Variants in NLRP8 observed in about 807,000 individuals in gnomAD.
NLRP8 encodes the protein NLR family pyrin domain containing 8, also known as NACHT, LRR and PYD domains-containing protein 8.
NLRP8 carries 86 observed loss-of-function variants against 88.7 expected under a neutral mutation model. That is an observed-to-expected ratio of 0.97 (90% confidence interval 0.81 to 1.16). The LOEUF (loss-of-function observed/expected upper bound fraction) is 1.16. Ranked by LOEUF, NLRP8 falls within the 50% of genes most tolerant of loss-of-function variation. NLRP8 has a pLI of 0.00. For missense variants in NLRP8, 1,342 were observed against 1,286.5 expected (o/e 1.04, Z -0.66); for synonymous variants, 504 against 494.6 (o/e 1.02, Z -0.25).
chr19:55,976,236 A>T lies in NLRP8; in HGVS notation c.2809A>T (p.Lys937Ter), dbSNP rs1312649136. Residue 937 changes from lysine (K) to a stop codon, truncating the protein, a stop_gained, in exon 8 of 10, where the codon AAG (lysine) becomes TAG (stop). Coordinates refer to ENST00000291971, the MANE Select transcript of NLRP8 (RefSeq NM_176811.2). LOFTEE classifies it high-confidence loss of function. ...TCTTGACCTAAGTTTTAATAGCCTG[A>T]AGGATGATGGGGTGATCCTGCTGTG... 2.5e-6 allele frequency: 4 copies of T among 1,613,730 alleles called. No homozygotes were observed. Among genetic ancestry groups the T allele is most frequent in the Non-Finnish European group, 3.4e-6 (4 of 1,179,962 alleles).
At position 55,981,047 on chromosome 19, in the gene NLRP8, T is replaced by A. The variant is rs1257797278; in HGVS notation, c.3047+1483T>A. 1.3e-5 allele frequency among the ~76,000 whole-genome samples: 2 copies of A among 152,164 alleles called. No individual in the cohort carries two copies. Among genetic ancestry groups the A allele is most frequent in the African/African-American group, 4.8e-5 (2 of 41,418 alleles). ...ATGTAAGAAAACAAAACCTTGTTTT[T>A]ATCCTTCCCAGGGAGAAGAAAGACA... is the stretch of plus-strand genomic sequence containing the variant. On this transcript the variant is annotated intron_variant, in intron 9 of 9. Coordinates refer to ENST00000291971, the MANE Select transcript of NLRP8 (RefSeq NM_176811.2).
Position 55,988,131 on chromosome 19 carries a change from G to A in NLRP8, c.*218G>A, listed in dbSNP as rs1354584211. ...TGTAAGGCTGGGCGTGGTGGCTCAC[G>A]CCTGTAACCCAGCACTATGGGAGGT... is the stretch of plus-strand genomic sequence containing the variant. On this transcript the variant is annotated 3_prime_UTR_variant, in exon 10 of 10. Coordinates refer to ENST00000291971, the MANE Select transcript of NLRP8 (RefSeq NM_176811.2). 5 of 434,090 alleles carry A rather than the reference G, an allele frequency of 1.2e-5. No homozygotes were observed. Among genetic ancestry groups the A allele is most frequent in the African/African-American group, 6.1e-5 (3 of 49,410 alleles). 26.9% of individuals were successfully genotyped at this position (434,090 alleles called of 1,614,324 possible). A position where few individuals can be genotyped will look rare whatever the true frequency, so the allele number is the denominator to read the frequency against.
chr19:55,987,999 C>T lies in NLRP8; in HGVS notation c.*86C>T. 2 of 986,294 alleles carry T rather than the reference C, an allele frequency of 2.0e-6. No individual in the cohort carries two copies. The highest frequency in any genetic ancestry group is 3.2e-6 in the Non-Finnish European group (2 of 623,632). The allele number at this position is 986,294 out of a possible 1,614,324, so 61.1% of individuals were successfully genotyped here. ...ATACCAGGCGTTATCATCCTGTATG[C>T]ATTAACGTACTTTCCCCTGAAACAG... is the stretch of plus-strand genomic sequence containing the variant. On this transcript the variant is annotated 3_prime_UTR_variant, in exon 10 of 10. Transcript: ENST00000291971.
chr19:55,958,979 C>T (rs574838142), intron 3 of NLRP8, among the ~76,000 whole-genome samples: 4 of 152,100 alleles, frequency 2.6e-5, no homozygotes, highest in East Asian at 1.9e-4. Context: ...CCTGGGTTCA[C>T]GCCATTCTCC....
intron 6 of NLRP8, 88 bp downstream of exon 6, chr19:55,970,784 T>C (rs1478601963): frequency 1.1e-5 from 17 of 1,549,814 alleles, no homozygotes; most frequent in Non-Finnish European, 1.4e-5. Flanking sequence ...AAAGAAGTCA[T>C]AGGGAAGGTA....
At chr19:55,959,457 C>A (rs55767504) in intron 3 of NLRP8, among the ~76,000 whole-genome samples, 1 of 151,802 alleles carries the variant, frequency 6.6e-6, no homozygotes, top group African/African-American at 2.4e-5. Context: ...CATGATCCAC[C>A]CGCCTCGGCC....
At chr19:55,958,724 A>C (rs1979480587) in intron 3 of NLRP8, among the ~76,000 whole-genome samples, 1 of 152,070 alleles carries the variant, frequency 6.6e-6, no homozygotes, top group South Asian at 2.1e-4. Context: ...TTGTCTTATT[A>C]TTTTTTGTAG....
Position 55,955,828 on chromosome 19 carries a change from C to T in NLRP8, c.1770C>T (p.Val590=), listed in dbSNP as rs1450306724. 5 of 1,614,178 alleles carry T rather than the reference C, an allele frequency of 3.1e-6. No individual in the cohort carries two copies. The highest frequency in any genetic ancestry group is 1.7e-5 in the Admixed American group (1 of 60,024). The change falls in exon 3 of 10, where the codon GTC becomes GTT. Residue 590 remains valine (V), a synonymous_variant. Coordinates refer to ENST00000291971, the MANE Select transcript of NLRP8 (RefSeq NM_176811.2). ...GTAATAAGAGGAAACTGCTGAAAGT[C>T]ATACCTCTGTTGCATAAATGTGACC...
chr19:55,983,137 T>C (rs1329649992), intron 9 of NLRP8, among the ~76,000 whole-genome samples: 1 of 152,074 alleles, frequency 6.6e-6, no homozygotes, highest in African/African-American at 2.4e-5. Flanking sequence ...GCAAAGGAGA[T>C]GCAGCATAGG....
intron 3 of NLRP8, among the ~76,000 whole-genome samples, chr19:55,961,395 T>C (rs886892302): frequency 4.6e-4 from 70 of 152,230 alleles, no homozygotes; most frequent in African/African-American, 1.6e-3. Flanking sequence ...ATTTTTCCTT[T>C]ATTCTGATCC....
intron 9 of NLRP8, among the ~76,000 whole-genome samples, chr19:55,982,407 A>G (rs1041412064): frequency 6.6e-6 from 1 of 152,206 alleles, no homozygotes; most frequent in African/African-American, 2.4e-5. Context: ...CAACAGATGA[A>G]TGGATAAAGA....
At chr19:55,963,409 GCC>G in intron 4 of NLRP8, among the ~76,000 whole-genome samples, 1 of 152,334 alleles carries the variant, frequency 6.6e-6, no homozygotes, top group South Asian at 2.1e-4. Flanking sequence ...AAGGCAGACA[GCC>G]TTAAGCTCGT....
chr19:55,962,761 G>T (rs1979671826), intron 4 of NLRP8, among the ~76,000 whole-genome samples: 1 of 152,106 alleles, frequency 6.6e-6, no homozygotes, highest in Non-Finnish European at 1.5e-5. Context: ...ACTCCAGCCT[G>T]GGTGACAGAG....
At chr19:55,960,897 C>CTTT (rs36087472) in intron 3 of NLRP8, among the ~76,000 whole-genome samples, 967 of 90,978 alleles carry the variant, frequency 0.011, 26 homozygotes, top group African/African-American at 0.029. Flanking sequence ...AACTATTTCT[C>CTTT]TTTTTTTTTT....
In NLRP8 at chr19:55,988,509, G is replaced by A. The variant is rs1980978430; in HGVS notation, c.*596G>A. 6.9e-6 allele frequency: 1 copy of A among 145,354 alleles called. No individual in the cohort carries two copies. The highest frequency in any genetic ancestry group is 1.5e-5 in the Non-Finnish European group (1 of 67,078). 9.0% of individuals were successfully genotyped at this position (145,354 alleles called of 1,614,324 possible). On this transcript the variant is annotated 3_prime_UTR_variant, in exon 10 of 10. Coordinates refer to ENST00000291971, the MANE Select transcript of NLRP8 (RefSeq NM_176811.2). ...AAATGAAATGCTTTGAGTCACCTAA[G>A]ACAGGATATAGACAAAGTCTTCATC...
At chr19:55,957,026 C>T (rs1979386660) in intron 3 of NLRP8, among the ~76,000 whole-genome samples, 1 of 152,164 alleles carries the variant, frequency 6.6e-6, no homozygotes, top group Non-Finnish European at 1.5e-5. Context: ...CTCCCGGCCT[C>T]AAGCAATCTT....
intron 3 of NLRP8, among the ~76,000 whole-genome samples, chr19:55,959,397 A>G (rs1400017807): frequency 1.3e-5 from 2 of 151,164 alleles, no homozygotes; most frequent in Non-Finnish European, 2.9e-5. Flanking sequence ...ATTTTTTAGT[A>G]GAGACGGGGT....
intron 9 of NLRP8, among the ~76,000 whole-genome samples, chr19:55,986,668 C>T (rs1980855110): frequency 6.6e-6 from 1 of 152,196 alleles, no homozygotes; most frequent in Admixed American, 6.5e-5. Flanking sequence ...GGTTCAGAGC[C>T]GGTTGCAGCC....
At chr19:55,969,719 A>G (rs752626321) in intron 5 of NLRP8, among the ~76,000 whole-genome samples, 3 of 152,150 alleles carry the variant, frequency 2.0e-5, no homozygotes, top group Admixed American at 6.5e-5. Context: ...CAGAATTTGT[A>G]TGACCTCTCA....
Sources: allele counts gnomAD v4.1 joint callset (sites outside exome capture counted in the v4.1 genomes callset), GRCh38; gene constraint gnomAD v4.1.1; transcripts MANE v1.5; gene names NCBI Gene and HGNC (gene_info 2026-07-23, HGNC 2026-07-21).